GRIN2B: variants seen among roughly 807,000 people sequenced by gnomAD.
The protein encoded by GRIN2B is glutamate ionotropic receptor NMDA type subunit 2B.
GRIN2B carries 5 observed loss-of-function variants against 114.5 expected under a neutral mutation model. The observed-to-expected ratio is 0.04, with a 90% CI of 0.02 to 0.09. GRIN2B has a LOEUF of 0.09. Ranked by LOEUF, GRIN2B falls within the 10% of genes least tolerant of loss-of-function variation. The probability of loss-of-function intolerance (pLI) is 1.00; values close to 1 mark genes in which losing one functional copy is unlikely to be tolerated. For missense variants in GRIN2B, 1,108 were observed against 1,943.5 expected, an observed-to-expected ratio of 0.57 and a Z score of 8.08; for synonymous variants, 787 against 745.1, an observed-to-expected ratio of 1.06 and a Z score of -0.92.
intron 3 of GRIN2B, among the ~76,000 whole-genome samples, chr12:13,818,403 A>G (rs909315797): frequency 6.6e-6 from 1 of 152,216 alleles, no homozygotes; most frequent in African/African-American, 2.4e-5. Flanking sequence ...TAAGCTCTTC[A>G]TGCACTTTTA....
intron 4 of GRIN2B, among the ~76,000 whole-genome samples, chr12:13,685,987 A>T (rs1338920082): frequency 6.6e-6 from 1 of 152,124 alleles, no homozygotes; most frequent in East Asian, 1.9e-4. Context: ...AGTGAAAGGG[A>T]TATTATGGAT....
intron 3 of GRIN2B, among the ~76,000 whole-genome samples, chr12:13,771,255 G>A (rs2136645818): frequency 6.6e-6 from 1 of 152,206 alleles, no homozygotes; most frequent in East Asian, 1.9e-4. Context: ...TGATTGTGAG[G>A]CCTCCCCAGC....
chr12:13,551,399 C>T lies in GRIN2B; in HGVS notation c.*11384G>A, dbSNP rs978018988. The T allele has an allele frequency of 2.8e-4, 42 of 152,174 alleles. No homozygotes were observed. The highest frequency in any genetic ancestry group is 2.7e-3 in the Admixed American group (41 of 15,284). The allele number at this position is 152,174 out of a possible 1,614,324, so 9.4% of individuals were successfully genotyped here. A position where few individuals can be genotyped will look rare whatever the true frequency, so the allele number is the denominator to read the frequency against. On this transcript the variant is annotated 3_prime_UTR_variant, in exon 14 of 14. Transcript: ENST00000609686. ...CCATCAACAGGACCTTAGAAGGCCA[C>T]ATGGATTCCATAGGGTAAAATGGGA...
At chr12:13,577,033 T>C (rs1046729713) in intron 10 of GRIN2B, among the ~76,000 whole-genome samples, 1 of 152,168 alleles carries the variant, frequency 6.6e-6, no homozygotes, top group Non-Finnish European at 1.5e-5. Context: ...GTCGTTCCAG[T>C]AGACACAGTG....
At chr12:13,623,195 A>C (rs1468321761) in intron 5 of GRIN2B, among the ~76,000 whole-genome samples, 1 of 152,230 alleles carries the variant, frequency 6.6e-6, no homozygotes, top group Non-Finnish European at 1.5e-5. Flanking sequence ...ACTGCATAGT[A>C]GCCTATAATA....
chr12:13,696,186 G>A (rs1950257426), intron 4 of GRIN2B, among the ~76,000 whole-genome samples: 1 of 152,154 alleles, frequency 6.6e-6, no homozygotes, highest in South Asian at 2.1e-4. Flanking sequence ...AAGAAGGGGT[G>A]CAGCATAATC....
At chr12:13,791,837 T>C (rs1461165473) in intron 3 of GRIN2B, among the ~76,000 whole-genome samples, 1 of 152,238 alleles carries the variant, frequency 6.6e-6, no homozygotes, top group Non-Finnish European at 1.5e-5. Context: ...TGTAGTTATT[T>C]TGAAATCTGC....
At position 13,634,584 on chromosome 12, in the gene GRIN2B, C is replaced by T. The variant is rs112346669; in HGVS notation, c.1126-17927G>A. On this transcript the variant is annotated intron_variant, in intron 5 of 13. Transcript: ENST00000609686. ...TTTTATGGGCTAAGCTTTGAAGTGA[C>T]ACCCATCACTTCTGCCCATATTATG... is the stretch of plus-strand genomic sequence containing the variant. Among the ~76,000 whole-genome samples the T allele has an allele frequency of 5.6e-3, 860 of 152,270 alleles. 7 individuals carry two copies. Among genetic ancestry groups the T allele is most frequent in the African/African-American group, 0.02 (819 of 41,560 alleles).
rs78217269 is a variant in GRIN2B at position 13,716,756 on chromosome 12, G to A, written c.1010+36561C>T. On this transcript the variant is annotated intron_variant, in intron 4 of 13. Transcript: ENST00000609686. ...GAAAACACAAAATAGAGGGCATTTC[G>A]CACTGCCAAATGTTCCTATCATTCC... 1.5e-4 allele frequency among the ~76,000 whole-genome samples: 23 copies of A among 151,984 alleles called. No homozygotes were observed. The East Asian group carries it at 2.5e-3, about 17-fold the overall frequency.
chr12:13,814,129 A>G (rs536914218), intron 3 of GRIN2B, among the ~76,000 whole-genome samples: 1 of 152,370 alleles, frequency 6.6e-6, no homozygotes, highest in South Asian at 2.1e-4. Context: ...TTGGGATTAA[A>G]TGTTCAGGTT....
chr12:13,655,003 G>T (rs779480908), intron 5 of GRIN2B, among the ~76,000 whole-genome samples: 13 of 152,106 alleles, frequency 8.5e-5, no homozygotes, highest in South Asian at 2.1e-4. Flanking sequence ...CGGAAGAAAT[G>T]GAATTGAAAA....
chr12:13,972,140 G>A (rs922540948), intron 2 of GRIN2B, among the ~76,000 whole-genome samples: 8 of 152,114 alleles, frequency 5.3e-5, no homozygotes, highest in Non-Finnish European at 7.3e-5. Context: ...AATGACCATC[G>A]CCTGAATCCC....
rs1447984337 is a variant in GRIN2B, at chr12:13,542,471, TTAG to T, written c.*20309_*20311del. Reference sequence around the variant, plus strand: ...CCTATCACAGTTAGCAGTGGGGTTTTTAGTAGAAGTTAAAAAAGCAAATATCAG... The same window carrying T: ...CCTATCACAGTTAGCAGTGGGGTTTTTAGAAGTTAAAAAAGCAAATATCAG... On this transcript the variant is annotated 3_prime_UTR_variant, in exon 14 of 14. Coordinates refer to ENST00000609686, the MANE Select transcript of GRIN2B (RefSeq NM_000834.5). 6.6e-6 allele frequency: 1 copy of T among 152,116 alleles called. No homozygotes were observed. Among genetic ancestry groups the T allele is most frequent in the Non-Finnish European group, 1.5e-5 (1 of 68,026 alleles). 9.4% of individuals were successfully genotyped at this position (152,116 alleles called of 1,614,324 possible).
At chr12:13,820,615 A>C (rs1166066318) in intron 3 of GRIN2B, among the ~76,000 whole-genome samples, 13 of 152,150 alleles carry the variant, frequency 8.5e-5, no homozygotes, top group Admixed American at 8.5e-4. Flanking sequence ...ACCATGTTCT[A>C]TTTATTTTTC....
chr12:13,888,378 T>C (rs1866200539), intron 2 of GRIN2B, among the ~76,000 whole-genome samples: 1 of 151,908 alleles, frequency 6.6e-6, no homozygotes, highest in South Asian at 2.1e-4. Context: ...GGTAAGTATT[T>C]GTATATCTAA....
chr12:13,828,870 A>G (rs991629203), intron 3 of GRIN2B, among the ~76,000 whole-genome samples: 1 of 152,198 alleles, frequency 6.6e-6, no homozygotes, highest in Admixed American at 6.5e-5. Flanking sequence ...GCTTCATATT[A>G]CACATGAAAT....
chr12:13,858,205 C>T (rs1372512636), intron 3 of GRIN2B, among the ~76,000 whole-genome samples: 1 of 152,102 alleles, frequency 6.6e-6, no homozygotes, highest in East Asian at 1.9e-4. Context: ...AGATGACTAG[C>T]TCATATAAAG....
chr12:13,904,580 C>T (rs1157261527), intron 2 of GRIN2B, among the ~76,000 whole-genome samples: 2 of 152,088 alleles, frequency 1.3e-5, no homozygotes, highest in Non-Finnish European at 2.9e-5. Context: ...TTCACTCCAT[C>T]TTGCATCTCA....
intron 2 of GRIN2B, among the ~76,000 whole-genome samples, chr12:13,878,685 T>C (rs1866027561): frequency 6.6e-6 from 1 of 152,188 alleles, no homozygotes; most frequent in Non-Finnish European, 1.5e-5. Flanking sequence ...GTATGGCCTC[T>C]CCTGATGCTA....
Sources: gnomAD v4.1 joint callset for allele counts (sites outside exome capture counted in the v4.1 genomes callset) on GRCh38, gnomAD v4.1.1 for gene constraint, MANE v1.5 for transcripts, NCBI Gene and HGNC (gene_info 2026-07-23, HGNC 2026-07-21) for gene names.